Variants in VAPB observed in about 807,000 individuals in gnomAD.
VAPB encodes the protein vesicle-associated membrane protein-associated protein B/C.
Under a neutral mutation model 25.6 loss-of-function variants are expected in VAPB, and 7 were observed. That is an observed-to-expected ratio of 0.27 (90% confidence interval 0.16 to 0.51). The LOEUF is 0.51. VAPB is among the 20% of genes least tolerant of loss of function. VAPB has a pLI of 0.97. For missense variants in VAPB, 266 were observed against 301.3 expected, an observed-to-expected ratio of 0.88 and a Z score of 0.87; for synonymous variants, 112 against 109.2, an observed-to-expected ratio of 1.03 and a Z score of -0.16.
chr20:58,443,970 C>A, intron 5 of VAPB, 107 bp from the exon 6 acceptor site: 1 of 1,527,270 alleles, frequency 6.5e-7, no homozygotes, highest in Non-Finnish European at 9.0e-7. Flanking sequence ...TGGACCATAT[C>A]ATGTCATCCA....
intron 1 of VAPB, among the ~76,000 whole-genome samples, chr20:58,394,210 C>G (rs1189538661): frequency 6.6e-6 from 1 of 152,168 alleles, no homozygotes; most frequent in African/African-American, 2.4e-5. Context: ...CTTGGACACT[C>G]TAAATGATAG....
Position 58,445,820 on chromosome 20 carries a change from C to T in VAPB, c.*1585C>T. ...CTTGGCCTTCCATTGCTTTGGCCTT[C>T]AGTAAAAAGCAGCCTCCCTTCTAGG... On this transcript the variant is annotated 3_prime_UTR_variant, in exon 6 of 6. Coordinates refer to ENST00000475243, the MANE Select transcript of VAPB (RefSeq NM_004738.5). The T allele has an allele frequency of 4.4e-6, 2 of 453,838 alleles. No homozygotes were observed. Among genetic ancestry groups the T allele is most frequent in the South Asian group, 1.6e-5 (1 of 64,460 alleles). 28.1% of individuals were successfully genotyped at this position (453,838 alleles called of 1,614,324 possible).
chr20:58,444,988 C>G lies in VAPB; in HGVS notation c.*753C>G, dbSNP rs6070466. On this transcript the variant is annotated 3_prime_UTR_variant, in exon 6 of 6. Transcript: ENST00000475243. ...TTCATCTCATGTTTTCTTATTGTCACAAGAGTACAGTTAATGCTGCGTGCT... is the reference window on the plus strand; with the variant it reads ...TTCATCTCATGTTTTCTTATTGTCAGAAGAGTACAGTTAATGCTGCGTGCT... 8.7e-3 allele frequency: 3,946 copies of G among 454,704 alleles called. 36 individuals are homozygous for G. Among genetic ancestry groups the G allele is most frequent in the Middle Eastern group, 0.011 (16 of 1,444 alleles). 28.2% of individuals were successfully genotyped at this position (454,704 alleles called of 1,614,324 possible).
At chr20:58,422,754 T>G (rs189221511) in intron 2 of VAPB, among the ~76,000 whole-genome samples, 8 of 152,298 alleles carry the variant, frequency 5.3e-5, no homozygotes, top group Non-Finnish European at 1.0e-4. Context: ...GATATTAAGT[T>G]TAATATTTTT....
At chr20:58,439,566 G>C (rs1378367072) in intron 4 of VAPB, 2 of 153,578 alleles carry the variant, frequency 1.3e-5, no homozygotes, top group South Asian at 3.9e-4. Context: ...ACTGTAGGGT[G>C]TTTTATTAAT....
rs1568726198 is a variant in VAPB at position 58,449,308 on chromosome 20, C to CT, written c.*5078dup. 2 of 449,240 alleles carry CT rather than the reference C, an allele frequency of 4.5e-6. No homozygotes were observed. Among genetic ancestry groups the CT allele is most frequent in the Admixed American group, 4.8e-5 (2 of 41,386 alleles). The allele number at this position is 449,240 out of a possible 1,614,324, so 27.8% of individuals were successfully genotyped here. Reference sequence around the variant, plus strand: ...TATCTACGGCACTTAACAATAGGGGCTTTTTATTTTCATTACAGAGATATT... The same window carrying CT: ...TATCTACGGCACTTAACAATAGGGGCTTTTTTATTTTCATTACAGAGATATT... On this transcript the variant is annotated 3_prime_UTR_variant, in exon 6 of 6. Coordinates refer to ENST00000475243, the MANE Select transcript of VAPB (RefSeq NM_004738.5).
intron 5 of VAPB, among the ~76,000 whole-genome samples, chr20:58,441,380 G>A (rs549974332): frequency 2.0e-5 from 3 of 152,106 alleles, no homozygotes; most frequent in South Asian, 2.1e-4. Flanking sequence ...GGTGGCTCAC[G>A]CCTGTAATCC....
chr20:58,417,547 A>G (rs1988570853), intron 1 of VAPB, among the ~76,000 whole-genome samples: 2 of 152,256 alleles, frequency 1.3e-5, no homozygotes, highest in African/African-American at 4.8e-5. Flanking sequence ...CAGTCTTCCC[A>G]GTAGCGTGAG....
At chr20:58,400,416 C>T (rs1988068323) in intron 1 of VAPB, among the ~76,000 whole-genome samples, 1 of 152,180 alleles carries the variant, frequency 6.6e-6, no homozygotes, top group Non-Finnish European at 1.5e-5. Context: ...ATTAATGAAA[C>T]CTCTTGTTAC....
chr20:58,438,793 A>G (rs1989099793), intron 3 of VAPB, 152 bp from the exon 4 acceptor site: 2 of 665,056 alleles, frequency 3.0e-6, no homozygotes, highest in Non-Finnish European at 5.2e-6. Context: ...CATGTTACAA[A>G]TATTGAAATC....
At chr20:58,393,231 A>G (rs1186860842) in intron 1 of VAPB, among the ~76,000 whole-genome samples, 1 of 152,086 alleles carries the variant, frequency 6.6e-6, no homozygotes, top group Non-Finnish European at 1.5e-5. Context: ...GAGTCTTGCC[A>G]TGTTGCCCAG....
chr20:58,392,144 G>A (rs988503230), intron 1 of VAPB, among the ~76,000 whole-genome samples: 1 of 152,210 alleles, frequency 6.6e-6, no homozygotes, highest in African/African-American at 2.4e-5. Flanking sequence ...ACTCCTCAAA[G>A]CCTGGGGTGG....
chr20:58,440,795 G>A (rs1333210253), intron 4 of VAPB, 112 bp from the exon 5 acceptor site: 47 of 942,576 alleles, frequency 5.0e-5, no homozygotes, highest in Non-Finnish European at 7.4e-5. Flanking sequence ...ATTTTACAGT[G>A]TGGATGAAAT....
chr20:58,443,397 G>GGT (rs2123103743), intron 5 of VAPB, among the ~76,000 whole-genome samples: 1 of 89,718 alleles, frequency 1.1e-5, no homozygotes, highest in South Asian at 3.2e-4. Flanking sequence ...CCCACTTTTA[G>GGT]GTTTTTTTTT....
chr20:58,441,501 G>A (rs1232737636), intron 5 of VAPB, among the ~76,000 whole-genome samples: 1 of 152,194 alleles, frequency 6.6e-6, no homozygotes, highest in East Asian at 1.9e-4. Context: ...AATTAGTTGG[G>A]TGTGGTGGCA....
In VAPB at chr20:58,444,143, A is replaced by T; in HGVS notation, c.640A>T (p.Thr214Ser). The change falls in exon 6 of 6, where the codon ACT (threonine) becomes TCT (serine). Residue 214 changes from threonine (T) to serine (S), a missense_variant. This residue lies in a region of VAPB where 136 missense variants were observed against 130.7 expected (regional missense o/e 1.04). Coordinates refer to ENST00000475243, the MANE Select transcript of VAPB (RefSeq NM_004738.5). The stretch of plus-strand genomic sequence containing the variant: ...CAGCCCCATTTCAGCATTAGCCCCA[A>T]CTGGGAAGGAAGAAGGCCTTAGCAC... ...SNSPISALAP[T>S]GKEEGLSTRL... 1 of 1,614,194 alleles carries T rather than the reference A, an allele frequency of 6.2e-7. No homozygotes were observed. The highest frequency in any genetic ancestry group is 1.1e-5 in the South Asian group (1 of 91,080).
At position 58,413,690 on chromosome 20, in the gene VAPB, C is replaced by T. The variant is rs1988440696; in HGVS notation, c.59-4521C>T. Among the ~76,000 whole-genome samples the T allele has an allele frequency of 2.0e-5, 3 of 151,924 alleles. No individual in the cohort carries two copies. The South Asian group carries it at 6.2e-4, about 31-fold the overall frequency. On this transcript the variant is annotated intron_variant, in intron 1 of 5. Transcript: ENST00000475243. ...CCTCCCAGACGGGGTGGTGGCCAGG[C>T]AGAGGGGCTCCTCACTTCCCAGTAG...
chr20:58,401,252 A>G (rs1430395385), intron 1 of VAPB, among the ~76,000 whole-genome samples: 1 of 152,052 alleles, frequency 6.6e-6, no homozygotes, highest in African/African-American at 2.4e-5. Context: ...GTGCTTGGCC[A>G]TTAGTCATTT....
chr20:58,389,527 A>G lies in VAPB; in HGVS notation c.58+10A>G, dbSNP rs1382866347. On this transcript the variant is annotated intron_variant, in intron 1 of 5. Coordinates refer to ENST00000475243, the MANE Select transcript of VAPB (RefSeq NM_004738.5). ...GAGCTCAAATTCCGAGGTAAGCCCC[A>G]GAGGCCGCCACCTTCCTGCCCGCGG... 24 of 1,576,974 alleles carry G rather than the reference A, an allele frequency of 1.5e-5. No homozygotes were observed. Among genetic ancestry groups the G allele is most frequent in the Non-Finnish European group, 2.1e-5 (24 of 1,162,902 alleles).
Sources: gnomAD v4.1 joint callset for allele counts (sites outside exome capture counted in the v4.1 genomes callset) on GRCh38, gnomAD v4.1.1 for gene constraint, gnomAD v4.1.1 regional missense constraint, MANE v1.5 for transcripts, NCBI Gene and HGNC (gene_info 2026-07-23, HGNC 2026-07-21) for gene names.